The following VAV1 variants were observed in gnomAD, a reference collection of about 807,000 sequenced individuals.
VAV1 encodes vav guanine nucleotide exchange factor 1, also known as proto-oncogene vav.
A neutral mutation model predicts 128.1 loss-of-function variants in VAV1; 33 were observed. The ratio of observed to expected loss-of-function variants is 0.26; its 90% CI spans 0.20 to 0.34. VAV1 has a LOEUF of 0.34. Ranked by LOEUF, VAV1 falls within the 10% of genes least tolerant of loss-of-function variation. The probability of loss-of-function intolerance (pLI) is 1.00; values close to 1 mark genes in which losing one functional copy is unlikely to be tolerated. For synonymous variants in VAV1, 394 were observed against 409.8 expected (o/e 0.96, Z 0.47); for missense variants, 715 against 1,093.7 (o/e 0.65, Z 4.88).
In VAV1 at chr19:6,826,469, A is replaced by C; in HGVS notation, c.828-143A>C. Reference sequence around the variant, plus strand: ...ACAATAGCCTCACATGGGAGATGCTATTGTTATGCCCATTTCACAGATGGA... The same window carrying C: ...ACAATAGCCTCACATGGGAGATGCTCTTGTTATGCCCATTTCACAGATGGA... On this transcript the variant is annotated intron_variant, in intron 8 of 26. Transcript: ENST00000602142. This position sits in a 1 kb window ranked among gnomAD's most constrained non-coding sequence, Gnocchi z 4.1. 1.6e-6 allele frequency: 1 copy of C among 636,466 alleles called. No homozygotes were observed. 39.4% of individuals were successfully genotyped at this position (636,466 alleles called of 1,614,324 possible).
chr19:6,843,695 G>A (rs1392830415), intron 22 of VAV1, among the ~76,000 whole-genome samples: 1 of 152,142 alleles, frequency 6.6e-6, no homozygotes, highest in Non-Finnish European at 1.5e-5. Context: ...AGTGTTTTTA[G>A]GAGGCGTAAA....
chr19:6,806,489 T>G (rs1296529063), intron 1 of VAV1, among the ~76,000 whole-genome samples: 1 of 152,230 alleles, frequency 6.6e-6, no homozygotes, highest in Non-Finnish European at 1.5e-5. Context: ...GCTCCAACAA[T>G]GTCATCAAGG....
At chr19:6,821,535 G>T in intron 2 of VAV1, 87 bp from the exon 3 acceptor site, 1 of 1,513,536 alleles carries the variant, frequency 6.6e-7, no homozygotes, top group Middle Eastern at 1.7e-4. Context: ...GGGATCTAGC[G>T]CCTCAGACAG....
chr19:6,805,655 T>A (rs1971381345), intron 1 of VAV1, among the ~76,000 whole-genome samples: 1 of 150,742 alleles, frequency 6.6e-6, no homozygotes, highest in Admixed American at 6.7e-5. Flanking sequence ...GGTTTCAGGA[T>A]GAATCAACCA....
At chr19:6,814,622 CTTTCTTTT>C (rs2144754453) in intron 1 of VAV1, among the ~76,000 whole-genome samples, 1 of 149,034 alleles carries the variant, frequency 6.7e-6, no homozygotes, top group East Asian at 2.0e-4. Flanking sequence ...TTCTTTCTTT[CTTTCTTTT>C]CTTTCTCTCC....
chr19:6,797,231 CAAAAA>C (rs34227069), intron 1 of VAV1, among the ~76,000 whole-genome samples: 2 of 126,400 alleles, frequency 1.6e-5, no homozygotes, highest in African/African-American at 2.9e-5. Flanking sequence ...GACTCAGTAT[CAAAAA>C]AAAAAAAAAA....
chr19:6,797,902 G>A (rs912571811), intron 1 of VAV1, among the ~76,000 whole-genome samples: 69 of 151,570 alleles, frequency 4.6e-4, no homozygotes, highest in African/African-American at 1.6e-3. Context: ...AGTTTTAGGG[G>A]AAAGACACAG....
At chr19:6,800,344 C>G (rs923551614) in intron 1 of VAV1, among the ~76,000 whole-genome samples, 4 of 149,394 alleles carry the variant, frequency 2.7e-5, no homozygotes, top group Non-Finnish European at 5.9e-5. Context: ...GGGTCTTGCT[C>G]TGTTGCCCAG....
chr19:6,793,899 C>T (rs2617812), intron 1 of VAV1, among the ~76,000 whole-genome samples: 33,401 of 151,756 alleles, frequency 0.22, 3,873 homozygotes, highest in African/African-American at 0.3. Context: ...ATTGTAAAGT[C>T]GTAAAGTGCT....
At chr19:6,847,702 G>A (rs1025281506) in intron 22 of VAV1, among the ~76,000 whole-genome samples, 1 of 151,836 alleles carries the variant, frequency 6.6e-6, no homozygotes, top group African/African-American at 2.4e-5. Context: ...GGAAATGCCT[G>A]GTGAAGCCAT....
At chr19:6,811,334 C>T (rs904388707) in intron 1 of VAV1, among the ~76,000 whole-genome samples, 14 of 152,208 alleles carry the variant, frequency 9.2e-5, no homozygotes, top group Non-Finnish European at 1.5e-4. Flanking sequence ...CCACACCCAG[C>T]CTCATTTATT....
At chr19:6,843,701 G>A (rs1004673251) in intron 22 of VAV1, among the ~76,000 whole-genome samples, 3 of 152,156 alleles carry the variant, frequency 2.0e-5, no homozygotes, top group Admixed American at 6.6e-5. Flanking sequence ...TTTAGGAGGC[G>A]TAAATGAGTC....
chr19:6,838,537 T>C (rs1012532675), intron 21 of VAV1, among the ~76,000 whole-genome samples: 5 of 152,130 alleles, frequency 3.3e-5, no homozygotes, highest in African/African-American at 1.2e-4. Flanking sequence ...ATCTATCTAT[T>C]CACCGATCAT....
chr19:6,822,362 G>A lies in VAV1; in HGVS notation c.558+33G>A. On this transcript the variant is annotated intron_variant, in intron 5 of 26. Transcript: ENST00000602142. This position sits in a 1 kb window ranked among gnomAD's most constrained non-coding sequence, Gnocchi z 5.9. ...ACGTGGAGGGTCGGGCCTGGGGAGG[G>A]CGTGGGCGGGGGGCAGCCCCAGGCC... The A allele has an allele frequency of 6.4e-7, 1 of 1,555,582 alleles. No individual in the cohort carries two copies. The highest frequency in any genetic ancestry group is 1.2e-5 in the South Asian group (1 of 84,526).
intron 20 of VAV1, 152 bp from the exon 21 acceptor site, chr19:6,836,833 G>GACACACAC (rs60215253): frequency 7.9e-5 from 69 of 874,234 alleles, no homozygotes; most frequent in African/African-American, 3.7e-4. Context: ...CAGAGAGATG[G>GACACACAC]ACACACACAC....
intron 8 of VAV1, among the ~76,000 whole-genome samples, chr19:6,825,788 GC>G (rs1253669348): frequency 6.6e-6 from 1 of 152,090 alleles, no homozygotes; most frequent in African/African-American, 2.4e-5. Context: ...ACTTTGGGAG[GC>G]TGAGGCGGGT....
At chr19:6,813,542 T>G (rs1159078862) in intron 1 of VAV1, among the ~76,000 whole-genome samples, 1 of 152,150 alleles carries the variant, frequency 6.6e-6, no homozygotes, top group Non-Finnish European at 1.5e-5. Context: ...ACAAACACAT[T>G]GTCTTAATTA....
chr19:6,819,796 C>A (rs929040102), intron 1 of VAV1, among the ~76,000 whole-genome samples: 1 of 152,200 alleles, frequency 6.6e-6, no homozygotes, highest in Non-Finnish European at 1.5e-5. Context: ...ATCTGGGGAA[C>A]CTCAGAGAGT....
chr19:6,817,939 G>T (rs1211077614), intron 1 of VAV1, among the ~76,000 whole-genome samples: 1 of 152,166 alleles, frequency 6.6e-6, no homozygotes, highest in East Asian at 1.9e-4. Context: ...GCCCGCCTCG[G>T]CCTCCCAAAG....
Sources: gnomAD v4.1 joint callset for allele counts (sites outside exome capture counted in the v4.1 genomes callset) on GRCh38, gnomAD v4.1.1 for gene constraint, Gnocchi (gnomAD v3.1) non-coding constraint, MANE v1.5 for transcripts, NCBI Gene and HGNC (gene_info 2026-07-23, HGNC 2026-07-21) for gene names.